The following CERS6 variants were observed in gnomAD, a reference collection of about 807,000 sequenced individuals.
CERS6 encodes ceramide synthase 6.
CERS6 carries 26 observed loss-of-function variants against 56.8 expected under a neutral mutation model. The ratio of observed to expected loss-of-function variants is 0.46; its 90% CI spans 0.34 to 0.63. CERS6 has a LOEUF of 0.63. Among genes scored for constraint, CERS6 ranks in the 30% least tolerant of loss-of-function variants. The pLI is 0.01. For synonymous variants in CERS6, 164 were observed against 173.3 expected (o/e 0.95, Z 0.42); for missense variants, 415 against 467.5 (o/e 0.89, Z 1.04).
intron 4 of CERS6, among the ~76,000 whole-genome samples, chr2:168,671,650 A>G (rs146600296): frequency 8.1e-4 from 124 of 152,344 alleles, no homozygotes; most frequent in African/African-American, 2.3e-3. Flanking sequence ...CAGTAGCTAC[A>G]TATAATACAA....
intron 6 of CERS6, among the ~76,000 whole-genome samples, chr2:168,704,456 C>G (rs945599408): frequency 6.6e-6 from 1 of 152,084 alleles, no homozygotes; most frequent in Non-Finnish European, 1.5e-5. Context: ...CCACTTTGGC[C>G]GTTTATAGCT....
intron 3 of CERS6, among the ~76,000 whole-genome samples, chr2:168,580,422 A>G (rs1683382484): frequency 6.6e-6 from 1 of 152,290 alleles, no homozygotes; most frequent in South Asian, 2.1e-4. Context: ...TCAAAATCCA[A>G]TGTTGACCCC....
chr2:168,644,460 A>G (rs149845696), intron 4 of CERS6: 1 of 553,826 alleles, frequency 1.8e-6, no homozygotes, highest in South Asian at 8.2e-5. Flanking sequence ...TAGGGAAAGC[A>G]TAAAGAAATG....
intron 6 of CERS6, among the ~76,000 whole-genome samples, chr2:168,698,500 C>G (rs1686724047): frequency 6.6e-6 from 1 of 152,110 alleles, no homozygotes; most frequent in Non-Finnish European, 1.5e-5. Flanking sequence ...TTTTGAACAA[C>G]TAGATCTCAA....
At chr2:168,615,917 A>G (rs1057069815) in intron 3 of CERS6, among the ~76,000 whole-genome samples, 4 of 152,242 alleles carry the variant, frequency 2.6e-5, no homozygotes, top group South Asian at 2.1e-4. Context: ...GCACACTGTC[A>G]TCAGGTAGTC....
At chr2:168,531,820 CAAA>C (rs370604357) in intron 1 of CERS6, among the ~76,000 whole-genome samples, 2 of 95,564 alleles carry the variant, frequency 2.1e-5, no homozygotes, top group African/African-American at 3.8e-5. Context: ...GACTCTGTCT[CAAA>C]AAAAAAAAAA....
intron 8 of CERS6, among the ~76,000 whole-genome samples, chr2:168,728,403 T>C (rs1204815918): frequency 2.7e-5 from 4 of 148,882 alleles, no homozygotes; most frequent in Non-Finnish European, 6.0e-5. Flanking sequence ...TTTTTTTTTT[T>C]TTTTGAGATG....
intron 8 of CERS6, among the ~76,000 whole-genome samples, chr2:168,739,624 C>T (rs1683831580): frequency 6.6e-6 from 1 of 151,974 alleles, no homozygotes; most frequent in South Asian, 2.1e-4. Flanking sequence ...TTTTTATTTA[C>T]TCTTGTTATT....
intron 3 of CERS6, among the ~76,000 whole-genome samples, chr2:168,567,369 A>G (rs1695902298): frequency 6.6e-6 from 1 of 152,180 alleles, no homozygotes; most frequent in African/African-American, 2.4e-5. Context: ...TTTCCTATAA[A>G]TGGCCATGAA....
intron 1 of CERS6, among the ~76,000 whole-genome samples, chr2:168,468,866 A>G (rs930827462): frequency 7.0e-6 from 1 of 143,838 alleles, no homozygotes; most frequent in Non-Finnish European, 1.5e-5. Context: ...TTAGTGAGGA[A>G]TGGGGCTTTG....
intron 3 of CERS6, among the ~76,000 whole-genome samples, chr2:168,579,030 A>G (rs1335244618): frequency 6.6e-6 from 1 of 152,212 alleles, no homozygotes; most frequent in African/African-American, 2.4e-5. Context: ...TCTGAACAGG[A>G]ACACAATAAT....
chr2:168,690,717 A>C (rs538262083), intron 4 of CERS6, among the ~76,000 whole-genome samples: 4 of 152,256 alleles, frequency 2.6e-5, no homozygotes, highest in African/African-American at 7.2e-5. Flanking sequence ...AGACCCCTGC[A>C]GGCCCCTGCT....
chr2:168,532,134 A>G (rs1050024042), intron 1 of CERS6, among the ~76,000 whole-genome samples: 6 of 152,184 alleles, frequency 3.9e-5, no homozygotes, highest in Non-Finnish European at 8.8e-5. Context: ...CTACTAGAGA[A>G]CAATTCATAT....
At chr2:168,638,183 T>C (rs1314908885) in intron 4 of CERS6, among the ~76,000 whole-genome samples, 1 of 152,182 alleles carries the variant, frequency 6.6e-6, no homozygotes, top group African/African-American at 2.4e-5. Context: ...GCATTCTTGG[T>C]AGTTTTGGAT....
intron 1 of CERS6, among the ~76,000 whole-genome samples, chr2:168,520,293 T>C (rs1472041543): frequency 6.6e-6 from 1 of 152,184 alleles, no homozygotes; most frequent in Non-Finnish European, 1.5e-5. Context: ...ATTTTCTCGT[T>C]GATTCGTTTA....
chr2:168,462,040 A>C (rs1693789041), intron 1 of CERS6, among the ~76,000 whole-genome samples: 1 of 152,228 alleles, frequency 6.6e-6, no homozygotes, highest in South Asian at 2.1e-4. Context: ...AACTTGATTA[A>C]ACCTTGTTGG....
chr2:168,606,462 T>TC (rs1684056084), intron 3 of CERS6: 1 of 152,170 alleles, frequency 6.6e-6, no homozygotes, highest in Non-Finnish European at 1.5e-5. Context: ...TCTGGATCCT[T>TC]CCTGTTTTAG....
intron 3 of CERS6, among the ~76,000 whole-genome samples, chr2:168,627,308 C>T (rs1684612642): frequency 6.6e-6 from 1 of 152,084 alleles, no homozygotes; most frequent in Admixed American, 6.6e-5. Flanking sequence ...TCTTTTTATG[C>T]TAGAATTATA....
chr2:168,487,583 T>A (rs561725251), intron 1 of CERS6, among the ~76,000 whole-genome samples: 5 of 152,370 alleles, frequency 3.3e-5, no homozygotes, highest in South Asian at 4.1e-4. Context: ...GTATACTGTA[T>A]AACCTTATGC....
Sources: gnomAD v4.1 joint callset for allele counts (sites outside exome capture counted in the v4.1 genomes callset) on GRCh38, gnomAD v4.1.1 for gene constraint, MANE v1.5 for transcripts, NCBI Gene and HGNC (gene_info 2026-07-23, HGNC 2026-07-21) for gene names.